GDF10: variants seen among roughly 807,000 people sequenced by gnomAD.
GDF10 encodes growth/differentiation factor 10.
GDF10 carries 23 observed loss-of-function variants against 32.1 expected under a neutral mutation model. That is an observed-to-expected ratio of 0.72 (90% CI 0.52 to 1.02). The LOEUF (loss-of-function observed/expected upper bound fraction) is 1.02, where lower values mean the gene tolerates loss of function less well. Ranked by LOEUF, GDF10 falls within the 50% of genes least tolerant of loss-of-function variation. The pLI, the probability that GDF10 is intolerant of heterozygous loss-of-function variation, is 0.00. For missense variants in GDF10, 764 were observed against 673.9 expected, an observed-to-expected ratio of 1.13 and a Z score of -1.48; for synonymous variants, 328 against 303.1, an observed-to-expected ratio of 1.08 and a Z score of -0.85.
At chr10:47,306,207 C>T (rs2061022592) in intron 1 of GDF10, among the ~76,000 whole-genome samples, 1 of 152,218 alleles carries the variant, frequency 6.6e-6, no homozygotes, top group African/African-American at 2.4e-5. Context: ...ACACTTGGAG[C>T]TCAGAATGTC....
intron 1 of GDF10, among the ~76,000 whole-genome samples, chr10:47,307,559 T>C (rs2061027356): frequency 6.6e-6 from 1 of 152,088 alleles, no homozygotes; most frequent in Non-Finnish European, 1.5e-5. Flanking sequence ...GGGCTGGGGG[T>C]GACCCATCTT....
At chr10:47,308,158 G>GGT (rs1231784154) in intron 1 of GDF10, among the ~76,000 whole-genome samples, 5 of 152,190 alleles carry the variant, frequency 3.3e-5, no homozygotes, top group African/African-American at 1.2e-4. Context: ...CGCTACCACC[G>GGT]GAGTGAGCTA....
intron 1 of GDF10, among the ~76,000 whole-genome samples, chr10:47,301,510 A>T (rs1555206861): frequency 6.6e-6 from 1 of 152,222 alleles, no homozygotes; most frequent in African/African-American, 2.4e-5. Flanking sequence ...TTCAGACCAC[A>T]GGGGTTTAAG....
At chr10:47,304,237 G>C (rs559405629) in intron 1 of GDF10, among the ~76,000 whole-genome samples, 1 of 152,242 alleles carries the variant, frequency 6.6e-6, no homozygotes, top group South Asian at 2.1e-4. Context: ...GATGGAGACG[G>C]ACAAATAGGT....
At chr10:47,303,663 G>C (rs1348023686) in intron 1 of GDF10, among the ~76,000 whole-genome samples, 1 of 152,104 alleles carries the variant, frequency 6.6e-6, no homozygotes, top group Non-Finnish European at 1.5e-5. Flanking sequence ...TATTAAATCT[G>C]CATCGGTGGG....
chr10:47,310,769 G>T (rs1438497946), intron 2 of GDF10, 48 bp downstream of exon 2: 3 of 1,315,138 alleles, frequency 2.3e-6, no homozygotes, highest in Non-Finnish European at 3.3e-6. Context: ...CAGCTCTGCC[G>T]CTACCGTCAA....
intron 1 of GDF10, among the ~76,000 whole-genome samples, chr10:47,303,699 G>A (rs1221097439): frequency 2.6e-5 from 4 of 152,026 alleles, no homozygotes; most frequent in Non-Finnish European, 5.9e-5. Context: ...TGACCCTAAG[G>A]GTTAAGGTTA....
Position 47,309,820 on chromosome 10 carries a change from A to G in GDF10, c.344A>G (p.Tyr115Cys), listed in dbSNP as rs1555207408. Reference protein sequence around the residue: ...RLEVVDQKAVYFFNLTSMQDS... With the variant: ...RLEVVDQKAVCFFNLTSMQDS... ...GAAGTGGTCGACCAGAAGGCCGTGT[A>G]TTTCTTCAACCTGACTTCCATGCAA... Residue 115 changes from tyrosine to cysteine, a missense_variant, in exon 2 of 3, where the codon TAT becomes TGT. Transcript: ENST00000580279. The G allele has an allele frequency of 6.2e-7, 1 of 1,610,812 alleles. No homozygotes were observed. The highest frequency in any genetic ancestry group is 1.7e-5 in the Admixed American group (1 of 59,974).
chr10:47,307,495 C>T (rs563071034), intron 1 of GDF10, among the ~76,000 whole-genome samples: 5 of 152,300 alleles, frequency 3.3e-5, no homozygotes, highest in Admixed American at 2.6e-4. Flanking sequence ...CCCTGCACTG[C>T]GTACATGCAG....
chr10:47,302,618 G>A (rs1194719203), intron 1 of GDF10, among the ~76,000 whole-genome samples: 4 of 152,202 alleles, frequency 2.6e-5, no homozygotes, highest in African/African-American at 9.7e-5. Context: ...TCTCAAAAAG[G>A]ACCTGAAGAC....
Position 47,300,783 on chromosome 10 carries a change from C to A in GDF10, c.132C>A (p.Pro44=). ...GGGCCCCCGCCTGGTCCGCACTGCC[C>A]GCGGCCGCCGACGGCCTGCAGGGGG... ...SHRAPAWSAL[P]AAADGLQGDR... is the part of the protein sequence containing the mutation. Residue 44 remains proline (P), a synonymous_variant, in exon 1 of 3, where the codon CCC becomes CCA. Coordinates refer to ENST00000580279, the MANE Select transcript of GDF10 (RefSeq NM_004962.5). 1 of 1,567,132 alleles carries A rather than the reference C, an allele frequency of 6.4e-7. No homozygotes were observed.
intron 1 of GDF10, among the ~76,000 whole-genome samples, chr10:47,308,910 C>T (rs1253038165): frequency 6.6e-6 from 1 of 152,166 alleles, no homozygotes; most frequent in African/African-American, 2.4e-5. Flanking sequence ...ATGCTGCTGC[C>T]AAGGTTGGGG....
At chr10:47,305,033 G>A (rs1194120092) in intron 1 of GDF10, among the ~76,000 whole-genome samples, 12 of 152,216 alleles carry the variant, frequency 7.9e-5, no homozygotes, top group Admixed American at 7.8e-4. Flanking sequence ...AGCGCAGGGT[G>A]GAAAGATGCT....
chr10:47,301,858 T>C (rs1280363446), intron 1 of GDF10, among the ~76,000 whole-genome samples: 6 of 152,070 alleles, frequency 3.9e-5, no homozygotes, highest in Admixed American at 3.9e-4. Context: ...AGGAGAAAAA[T>C]CTGCAGTCTA....
chr10:47,312,938 C>T lies in GDF10; in HGVS notation c.*146C>T, dbSNP rs1286544323. On this transcript the variant is annotated 3_prime_UTR_variant, in exon 3 of 3. Transcript: ENST00000580279. ...GCCCAGAGAGAGCTGTCCGCCAGTG[C>T]ATCATTAGGGGGTCTTTCATTGCTA... 6.0e-6 allele frequency: 3 copies of T among 501,174 alleles called. No homozygotes were observed. Among genetic ancestry groups the T allele is most frequent in the Admixed American group, 3.4e-5 (1 of 29,352 alleles). 31.0% of individuals were successfully genotyped at this position (501,174 alleles called of 1,614,324 possible).
chr10:47,305,700 G>A (rs2061021069), intron 1 of GDF10, among the ~76,000 whole-genome samples: 1 of 152,134 alleles, frequency 6.6e-6, no homozygotes, highest in African/African-American at 2.4e-5. Context: ...CCAGCAGTGG[G>A]GCTGGACAGG....
At chr10:47,301,013 C>T (rs1430465125) in intron 1 of GDF10, 43 bp downstream of exon 1, 2 of 1,295,550 alleles carry the variant, frequency 1.5e-6, no homozygotes, top group Admixed American at 3.1e-5. Flanking sequence ...TCATTCTCCA[C>T]CTTCCTCACT....
chr10:47,306,192 C>T (rs1565746996), intron 1 of GDF10, among the ~76,000 whole-genome samples: 1 of 152,226 alleles, frequency 6.6e-6, no homozygotes. Flanking sequence ...TAGGACCAAG[C>T]ACATACACTT....
chr10:47,304,959 A>G (rs1555207090), intron 1 of GDF10, among the ~76,000 whole-genome samples: 1 of 152,094 alleles, frequency 6.6e-6, no homozygotes, highest in African/African-American at 2.4e-5. Flanking sequence ...CTTTTGAGAC[A>G]TGAGTGCGAT....
Sources: allele counts gnomAD v4.1 joint callset (sites outside exome capture counted in the v4.1 genomes callset), GRCh38; gene constraint gnomAD v4.1.1; transcripts MANE v1.5; gene names NCBI Gene and HGNC (gene_info 2026-07-23, HGNC 2026-07-21).